TASP1: variants seen among roughly 807,000 people sequenced by gnomAD.
TASP1 encodes threonine aspartase 1.
TASP1 carries 16 observed loss-of-function variants against 56.6 expected under a neutral mutation model. The ratio of observed to expected loss-of-function variants is 0.28; its 90% CI spans 0.19 to 0.43. TASP1 has a LOEUF of 0.43. TASP1 is among the 20% of genes least tolerant of loss of function. The probability of loss-of-function intolerance (pLI) is 1.00; values close to 1 mark genes in which losing one functional copy is unlikely to be tolerated. For missense variants in TASP1, 393 were observed against 511.6 expected, an observed-to-expected ratio of 0.77 and a Z score of 2.24; for synonymous variants, 179 against 184.2, an observed-to-expected ratio of 0.97 and a Z score of 0.23.
At chr20:13,493,029 C>A (rs1357969382) in intron 10 of TASP1, among the ~76,000 whole-genome samples, 2 of 152,014 alleles carry the variant, frequency 1.3e-5, no homozygotes, top group East Asian at 3.9e-4. Context: ...GAGGATATAA[C>A]CAAATCACAC....
chr20:13,428,856 A>G (rs911014), intron 12 of TASP1, among the ~76,000 whole-genome samples: 98,821 of 151,992 alleles, frequency 0.65, 32,389 homozygotes, highest in Non-Finnish European at 0.69. Context: ...TGGAACAAGA[A>G]TCAACTTCTT....
chr20:13,570,799 C>T (rs139273630), intron 6 of TASP1, among the ~76,000 whole-genome samples: 1 of 152,186 alleles, frequency 6.6e-6, no homozygotes, highest in African/African-American at 2.4e-5. Context: ...GTCACATAAA[C>T]TTCAAATGTT....
At chr20:13,185,434 C>T in the TASP1 span, among the ~76,000 whole-genome samples, 1 of 152,132 alleles carries the variant, frequency 6.6e-6, no homozygotes, top group South Asian at 2.1e-4. Context: ...CTTCTTCCTC[C>T]TTGTCACCCT....
intron 7 of TASP1, among the ~76,000 whole-genome samples, chr20:13,564,418 T>C (rs1386683259): frequency 6.6e-6 from 1 of 152,010 alleles, no homozygotes; most frequent in Non-Finnish European, 1.5e-5. Context: ...CTACAAAACA[T>C]TGCTGAAAGA....
chr20:13,487,969 A>G (rs750234715), intron 10 of TASP1, among the ~76,000 whole-genome samples: 54 of 152,286 alleles, frequency 3.5e-4, no homozygotes, highest in African/African-American at 8.4e-4. Flanking sequence ...CCCACAGGTC[A>G]TTGTTTGCCT....
At chr20:13,117,408 G>A in the TASP1 span, 1 of 1,153,498 alleles carries the variant, frequency 8.7e-7, no homozygotes, top group Non-Finnish European at 1.2e-6. Flanking sequence ...GGAATGGCGT[G>A]TGTCAGGGAA....
intron 13 of TASP1, among the ~76,000 whole-genome samples, chr20:13,412,540 C>A (rs752743110): frequency 1.3e-4 from 20 of 152,156 alleles, no homozygotes; most frequent in Non-Finnish European, 2.6e-4. Context: ...TTTCTTTGCA[C>A]TTCTTTTGAT....
intron 4 of TASP1, among the ~76,000 whole-genome samples, chr20:13,595,293 C>A (rs1238052697): frequency 6.6e-6 from 1 of 152,152 alleles, no homozygotes; most frequent in Non-Finnish European, 1.5e-5. Flanking sequence ...TAAAGACCAT[C>A]AATGCTATGA....
chr20:13,308,979 T>C, the TASP1 span, among the ~76,000 whole-genome samples: 1 of 152,196 alleles, frequency 6.6e-6, no homozygotes, highest in East Asian at 1.9e-4. Flanking sequence ...AGCACCTTGA[T>C]CTCAGACTTC....
chr20:13,506,641 C>G (rs2044142355), intron 10 of TASP1, among the ~76,000 whole-genome samples: 1 of 151,920 alleles, frequency 6.6e-6, no homozygotes, highest in Non-Finnish European at 1.5e-5. Flanking sequence ...GAACAAAAAC[C>G]ATATGATCAT....
At chr20:13,623,207 T>C (rs1314987976) in intron 4 of TASP1, among the ~76,000 whole-genome samples, 1 of 152,012 alleles carries the variant, frequency 6.6e-6, no homozygotes, top group Non-Finnish European at 1.5e-5. Context: ...TCCTTAACTT[T>C]TGTATTCATG....
chr20:13,263,209 C>A, the TASP1 span, among the ~76,000 whole-genome samples: 1 of 152,190 alleles, frequency 6.6e-6, no homozygotes, highest in East Asian at 1.9e-4. Flanking sequence ...TGATTGCCAT[C>A]ATACACAGGC....
the TASP1 span, among the ~76,000 whole-genome samples, chr20:13,230,265 G>A: frequency 2.0e-5 from 3 of 152,072 alleles, no homozygotes; most frequent in East Asian, 3.9e-4. Flanking sequence ...AATCTTTTAC[G>A]CTACATGTTA....
chr20:13,129,298 G>A, the TASP1 span, among the ~76,000 whole-genome samples: 1 of 152,170 alleles, frequency 6.6e-6, no homozygotes, highest in African/African-American at 2.4e-5. Context: ...CACTGTGCCT[G>A]TCTTAAACAG....
At chr20:13,352,583 G>A in the TASP1 span, among the ~76,000 whole-genome samples, 1 of 152,128 alleles carries the variant, frequency 6.6e-6, no homozygotes, top group Admixed American at 6.5e-5. Flanking sequence ...TGATGGGCCT[G>A]TGTGCTGGAG....
At chr20:13,159,867 C>T in the TASP1 span, 1 of 1,209,496 alleles carries the variant, frequency 8.3e-7, no homozygotes, top group Non-Finnish European at 1.1e-6. Context: ...AAACTTCAAT[C>T]ATCTTCCACT....
At chr20:13,214,586 G>GAGAGAC in the TASP1 span, among the ~76,000 whole-genome samples, 43 of 150,536 alleles carry the variant, frequency 2.9e-4, no homozygotes, top group Middle Eastern at 3.4e-3. Flanking sequence ...GAGAGAGAGA[G>GAGAGAC]AGACAGAAAG....
the TASP1 span, among the ~76,000 whole-genome samples, chr20:13,144,209 T>C: frequency 2.0e-5 from 3 of 152,316 alleles, no homozygotes; most frequent in Non-Finnish European, 2.9e-5. Flanking sequence ...CATCTCTAGG[T>C]CTCCTTCAAA....
the TASP1 span, among the ~76,000 whole-genome samples, chr20:13,152,904 C>G: frequency 1.3e-5 from 2 of 152,140 alleles, no homozygotes; most frequent in Non-Finnish European, 2.9e-5. Context: ...ACCCTATTTC[C>G]ATCTGAAGAG....
Sources: gnomAD v4.1 joint callset for allele counts (sites outside exome capture counted in the v4.1 genomes callset) on GRCh38, gnomAD v4.1.1 for gene constraint, MANE v1.5 for transcripts, NCBI Gene and HGNC (gene_info 2026-07-23, HGNC 2026-07-21) for gene names.